The following GNA14 variants were observed in gnomAD, a reference collection of about 807,000 sequenced individuals.
The protein encoded by GNA14 is G protein subunit alpha 14.
In GNA14, 50 loss-of-function variants were observed where a neutral mutation model predicts 42.0. The observed-to-expected ratio is 1.19, with a 90% confidence interval of 0.95 to 1.51. The LOEUF (loss-of-function observed/expected upper bound fraction) is 1.51. GNA14 is among the 40% of genes most tolerant of loss of function. The pLI is 0.00. For synonymous variants in GNA14, 173 were observed against 163.1 expected, an observed-to-expected ratio of 1.06 and a Z score of -0.46; for missense variants, 473 against 446.2, an observed-to-expected ratio of 1.06 and a Z score of -0.54.
rs185086441 is a variant in GNA14 at position 77,520,479 on chromosome 9, T to C, written c.309+8590A>G. On this transcript the variant is annotated intron_variant, in intron 2 of 6. Transcript: ENST00000341700. ...TTCCTAGCATCACTGATAATGATTCTAACATTCACAAAAGACGTGAATTAT... is the reference window on the plus strand; with the variant it reads ...TTCCTAGCATCACTGATAATGATTCCAACATTCACAAAAGACGTGAATTAT... Among the ~76,000 whole-genome samples the C allele has an allele frequency of 5.8e-3, 877 of 152,356 alleles. 4 individuals carry two copies. Among genetic ancestry groups the C allele is most frequent in the Middle Eastern group, 0.01 (3 of 294 alleles).
At chr9:77,425,397 CACA>C (rs1298568044) in intron 6 of GNA14, among the ~76,000 whole-genome samples, 162 bp downstream of exon 6, 3 of 152,080 alleles carry the variant, frequency 2.0e-5, no homozygotes. Flanking sequence ...GTGGTGAAAA[CACA>C]ACAATGGTGC....
At chr9:77,540,358 T>A (rs1195378475) in intron 1 of GNA14, among the ~76,000 whole-genome samples, 3 of 152,158 alleles carry the variant, frequency 2.0e-5, no homozygotes, top group Non-Finnish European at 2.9e-5. Context: ...TTTGATTTTT[T>A]AAAATGTGTT....
intron 1 of GNA14, among the ~76,000 whole-genome samples, chr9:77,568,875 C>T (rs1223060258): frequency 6.6e-6 from 1 of 152,190 alleles, no homozygotes; most frequent in African/African-American, 2.4e-5. Context: ...ACAATTGAGA[C>T]AGTAAAGTCG....
At chr9:77,450,009 A>T (rs1459298971) in intron 2 of GNA14, among the ~76,000 whole-genome samples, 1 of 152,158 alleles carries the variant, frequency 6.6e-6, no homozygotes, top group Admixed American at 6.5e-5. Context: ...ATGGTACCGG[A>T]CAGACTGGAA....
chr9:77,474,560 T>A (rs886787262), intron 2 of GNA14, among the ~76,000 whole-genome samples: 7 of 152,148 alleles, frequency 4.6e-5, no homozygotes, highest in Admixed American at 1.3e-4. Context: ...GACTATAAAA[T>A]CATGTGGCCA....
intron 1 of GNA14, among the ~76,000 whole-genome samples, chr9:77,532,239 G>A (rs6560605): frequency 0.52 from 78,971 of 151,980 alleles, 22,636 homozygotes; most frequent in Admixed American, 0.65. Flanking sequence ...GTGTATGCAC[G>A]TCCCAGGATA....
At chr9:77,575,673 G>A (rs1385952546) in intron 1 of GNA14, among the ~76,000 whole-genome samples, 1 of 152,150 alleles carries the variant, frequency 6.6e-6, no homozygotes, top group African/African-American at 2.4e-5. Context: ...GGCAGTTAAG[G>A]TTGACAAGTT....
At chr9:77,519,789 C>T (rs1004886609) in intron 2 of GNA14, among the ~76,000 whole-genome samples, 2 of 152,084 alleles carry the variant, frequency 1.3e-5, no homozygotes, top group African/African-American at 4.8e-5. Flanking sequence ...GGTGGGTGCA[C>T]ACCTGAGATC....
intron 5 of GNA14, 120 bp downstream of exon 5, chr9:77,428,787 T>A (rs562668790): frequency 1.0e-6 from 1 of 989,396 alleles, no homozygotes; most frequent in Admixed American, 2.2e-5. Flanking sequence ...AGGTCACACT[T>A]TGAGTAGCAA....
intron 2 of GNA14, among the ~76,000 whole-genome samples, chr9:77,476,067 A>G (rs769273045): frequency 1.3e-5 from 2 of 152,250 alleles, no homozygotes; most frequent in Admixed American, 1.3e-4. Context: ...GCTCTGCATT[A>G]TAAGTAATTT....
At chr9:77,576,405 C>T (rs1418730706) in intron 1 of GNA14, among the ~76,000 whole-genome samples, 3 of 152,080 alleles carry the variant, frequency 2.0e-5, no homozygotes, top group Non-Finnish European at 4.4e-5. Context: ...TCTAAAAAAT[C>T]GAAAGCATAG....
intron 2 of GNA14, among the ~76,000 whole-genome samples, chr9:77,459,227 C>A (rs1371687457): frequency 6.9e-6 from 1 of 144,858 alleles, no homozygotes; most frequent in Non-Finnish European, 1.5e-5. Flanking sequence ...CAGAGTGAGA[C>A]CCAGTCTCAG....
intron 2 of GNA14, among the ~76,000 whole-genome samples, chr9:77,467,434 T>G (rs1212543493): frequency 2.0e-5 from 3 of 151,570 alleles, no homozygotes; most frequent in Non-Finnish European, 4.4e-5. Context: ...ACCACGCTTC[T>G]GGAGCCCTTG....
chr9:77,494,476 C>T (rs1836838316), intron 2 of GNA14, among the ~76,000 whole-genome samples: 1 of 151,946 alleles, frequency 6.6e-6, no homozygotes. Flanking sequence ...TTGGGAAACA[C>T]TGCAGAAATG....
chr9:77,576,966 C>T (rs998053626), intron 1 of GNA14, among the ~76,000 whole-genome samples: 1 of 152,174 alleles, frequency 6.6e-6, no homozygotes, highest in African/African-American at 2.4e-5. Context: ...AAATTTATGC[C>T]TCTTCCTTGC....
intron 2 of GNA14, among the ~76,000 whole-genome samples, chr9:77,525,793 C>A (rs1012646101): frequency 6.6e-5 from 10 of 151,970 alleles, no homozygotes; most frequent in Admixed American, 5.9e-4. Flanking sequence ...CTGCCTCGGC[C>A]TCCCAAAGTA....
At chr9:77,429,142 A>G in intron 4 of GNA14, 106 bp from the exon 5 acceptor site, 1 of 1,013,650 alleles carries the variant, frequency 9.9e-7, no homozygotes, top group Non-Finnish European at 1.5e-6. Flanking sequence ...AGTCCTCAGT[A>G]ATTTCTAAGA....
At chr9:77,428,301 G>A (rs947539995) in intron 5 of GNA14, among the ~76,000 whole-genome samples, 31 of 151,898 alleles carry the variant, frequency 2.0e-4, no homozygotes, top group South Asian at 1.9e-3. Context: ...GGATGGTCTC[G>A]ATCTCCTGAC....
intron 1 of GNA14, among the ~76,000 whole-genome samples, chr9:77,617,596 C>A (rs1314455479): frequency 6.6e-6 from 1 of 152,102 alleles, no homozygotes; most frequent in African/African-American, 2.4e-5. Context: ...TCAGAGCTTT[C>A]TTTTTAAAAA....
Sources: gnomAD v4.1 joint callset for allele counts (sites outside exome capture counted in the v4.1 genomes callset) on GRCh38, gnomAD v4.1.1 for gene constraint, MANE v1.5 for transcripts, NCBI Gene and HGNC (gene_info 2026-07-23, HGNC 2026-07-21) for gene names.